The following SLC13A4 variants were observed in gnomAD, a reference collection of about 807,000 sequenced individuals.
SLC13A4 encodes Na(+)/sulfate cotransporter SUT-1.
In SLC13A4, 28 loss-of-function variants were observed where a neutral mutation model predicts 72.7. That is an observed-to-expected ratio of 0.39 (90% CI 0.29 to 0.53). SLC13A4 has a LOEUF of 0.53. Among genes scored for constraint, SLC13A4 ranks in the 20% least tolerant of loss-of-function variants. The probability of loss-of-function intolerance (pLI) is 0.78; values close to 1 mark genes in which losing one functional copy is unlikely to be tolerated. For missense variants in SLC13A4, 653 were observed against 788.0 expected (o/e 0.83, Z 2.05); for synonymous variants, 312 against 325.5 (o/e 0.96, Z 0.45).
intron 8 of SLC13A4, among the ~76,000 whole-genome samples, 176 bp downstream of exon 8, chr7:135,699,188 G>A (rs529604535): frequency 3.9e-5 from 6 of 152,202 alleles, no homozygotes; most frequent in South Asian, 4.1e-4. Context: ...CAATCCCCCC[G>A]CTTTGCCCTC....
At chr7:135,709,958 C>T (rs1796260938) in intron 2 of SLC13A4, among the ~76,000 whole-genome samples, 1 of 152,110 alleles carries the variant, frequency 6.6e-6, no homozygotes, top group African/African-American at 2.4e-5. Context: ...TGAATGGTTC[C>T]CTTCTATATA....
In SLC13A4 at chr7:135,681,676, C is replaced by T. The variant is rs137894236; in HGVS notation, c.1771G>A (p.Val591Ile). ...ACCATTACTATCACCAGTCCAATAA[C>T]GTTGACTCCCAGGCCAGCTTTCACC... ...DMVKAGLGVNVIGLVIVMVAI... is the reference protein window; with the variant it reads ...DMVKAGLGVNIIGLVIVMVAI... Residue 591 changes from valine (V) to isoleucine (I), a missense_variant, in exon 16 of 16, where the codon GTT becomes ATT. Transcript: ENST00000682651. 5.2e-4 allele frequency: 834 copies of T among 1,613,784 alleles called. 1 individual carries two copies. The highest frequency in any genetic ancestry group is 1.1e-3 in the Admixed American group (68 of 60,016).
At chr7:135,710,391 G>C (rs1287953101) in intron 2 of SLC13A4, among the ~76,000 whole-genome samples, 1 of 152,116 alleles carries the variant, frequency 6.6e-6, no homozygotes, top group South Asian at 2.1e-4. Flanking sequence ...GCGAGACTAC[G>C]TCTCAAAAAA....
chr7:135,719,801 GTA>G lies in SLC13A4; in HGVS notation c.228+1592_228+1593del, dbSNP rs1554479988. ...GCCACATGTGTGTGTGTGTGTGTGT[GTA>G]TGTGTGTGTGTGTGTGTGTGTGTGT... On this transcript the variant is annotated intron_variant, in intron 2 of 15. Transcript: ENST00000682651. Among the ~76,000 whole-genome samples the G allele has an allele frequency of 5.9e-4, 82 of 137,824 alleles. 1 individual carries two copies. Among genetic ancestry groups the G allele is most frequent in the Admixed American group, 1.4e-3 (21 of 14,538 alleles). The allele number at this position is 137,824 out of a possible 152,430, so 90.4% of individuals were successfully genotyped here.
intron 15 of SLC13A4, among the ~76,000 whole-genome samples, chr7:135,681,965 C>T (rs73721691): frequency 1.3e-5 from 2 of 152,320 alleles, no homozygotes; most frequent in East Asian, 1.9e-4. Flanking sequence ...TTACTTGGAA[C>T]ACCCACTCTG....
At chr7:135,718,090 C>CACAT (rs1563170528) in intron 2 of SLC13A4, among the ~76,000 whole-genome samples, 1 of 150,686 alleles carries the variant, frequency 6.6e-6, no homozygotes, top group African/African-American at 2.5e-5. Flanking sequence ...CACACACACG[C>CACAT]GCGCGCGCGC....
chr7:135,684,264 A>T lies in SLC13A4; in HGVS notation c.1609-3T>A. The T allele has an allele frequency of 6.3e-7, 1 of 1,590,572 alleles. No homozygotes were observed. Among genetic ancestry groups the T allele is most frequent in the Non-Finnish European group, 8.6e-7 (1 of 1,165,054 alleles). ...GGGTTAATGTGCAGCGTTTCAGACT[A>T]GAAGAGAGAATTCACAGAAACATTC... On this transcript the variant is annotated splice_polypyrimidine_tract_variant and splice_region_variant and intron_variant, in intron 14 of 15. Coordinates refer to ENST00000682651, the MANE Select transcript of SLC13A4 (RefSeq NM_001318192.2).
rs1795789488 is a variant in SLC13A4 at position 135,691,629 on chromosome 7, C to T, written c.1240G>A (p.Asp414Asn). 1 of 1,613,214 alleles carries T rather than the reference C, an allele frequency of 6.2e-7. No individual in the cohort carries two copies. Among genetic ancestry groups the T allele is most frequent in the African/African-American group, 1.3e-5 (1 of 75,012 alleles). ...CCAAGGAAGACAGAGACTGTGGCAT[C>T]AGTACGGTAGCCTTTCCTAGTAAAG... The part of the protein sequence containing the change: ...SFFEKKGYRT[D>N]ATVSVFLGFL... Residue 414 changes from aspartate (D) to asparagine (N), a missense_variant, in exon 12 of 16, where the codon GAT (aspartate) becomes AAT (asparagine). Asp to Asn is a conservative substitution (Grantham distance 23). Transcript: ENST00000682651.
intron 9 of SLC13A4, 133 bp from the exon 10 acceptor site, chr7:135,694,371 TC>T (rs1309651008): frequency 4.9e-6 from 3 of 610,024 alleles, no homozygotes; most frequent in African/African-American, 1.9e-5. Context: ...TATCCCTCTA[TC>T]CCCCACCTAT....
Position 135,685,591 on chromosome 7 carries a change from C to T in SLC13A4, c.1539G>A (p.Val513=). The change falls in exon 14 of 16, where the codon GTG becomes GTA. Residue 513 remains valine (V), a synonymous_variant. Coordinates refer to ENST00000682651, the MANE Select transcript of SLC13A4 (RefSeq NM_001318192.2). ...WAVTLLACIL[V]SIVTEFVSNP... is the part of the protein sequence containing the mutation. ...TGCTCACAAACTCAGTGACAATGGA[C>T]ACGAGGATGCATGCCAGCAGGGTGA... is the stretch of plus-strand genomic sequence containing the variant. 6.2e-7 allele frequency: 1 copy of T among 1,614,186 alleles called. No homozygotes were observed.
At chr7:135,716,781 C>T (rs1289866564) in intron 2 of SLC13A4, among the ~76,000 whole-genome samples, 1 of 152,156 alleles carries the variant, frequency 6.6e-6, no homozygotes, top group Non-Finnish European at 1.5e-5. Flanking sequence ...GTTTCCTTCT[C>T]TTTAAAATGA....
chr7:135,719,785 GTGTGTGTGTGTGTGTGTA>G (rs1295887829), intron 2 of SLC13A4, among the ~76,000 whole-genome samples: 3 of 138,074 alleles, frequency 2.2e-5, no homozygotes, highest in African/African-American at 6.4e-5. Context: ...TGCCACATGT[GTGTGTGTGTGTGTGTGTA>G]TGTGTGTGTG....
chr7:135,692,477 T>C, intron 10 of SLC13A4, 53 bp from the exon 11 acceptor site: 1 of 1,328,566 alleles, frequency 7.5e-7, no homozygotes, highest in East Asian at 2.3e-5. Flanking sequence ...TTCTCCTAGC[T>C]TTTTCACTTT....
chr7:135,702,947 C>A, intron 5 of SLC13A4, 63 bp from the exon 6 acceptor site: 1 of 1,253,442 alleles, frequency 8.0e-7, no homozygotes, highest in East Asian at 2.3e-5. Context: ...AGGGGAGGTC[C>A]CCCTGCATCA....
intron 2 of SLC13A4, among the ~76,000 whole-genome samples, chr7:135,719,780 C>CGTGTGTGTGTGTGTGTGT (rs535749594): frequency 3.6e-5 from 5 of 138,536 alleles, no homozygotes; most frequent in African/African-American, 1.4e-4. Context: ...CTCAATGCCA[C>CGTGTGTGTGTGTGTGTGT]ATGTGTGTGT....
intron 15 of SLC13A4, chr7:135,683,509 A>G: frequency 1.0e-6 from 1 of 984,842 alleles, no homozygotes; most frequent in Non-Finnish European, 1.2e-6. Flanking sequence ...GATACTAAGT[A>G]TAGCAGCAGG....
chr7:135,684,304 G>T (rs760386993), intron 14 of SLC13A4, 43 bp from the exon 15 acceptor site: 2 of 1,561,792 alleles, frequency 1.3e-6, no homozygotes, highest in African/African-American at 1.3e-5. Context: ...GATTAGGCTT[G>T]CATTTCCTGT....
At chr7:135,717,182 T>A (rs1796451124) in intron 2 of SLC13A4, among the ~76,000 whole-genome samples, 1 of 152,228 alleles carries the variant, frequency 6.6e-6, no homozygotes, top group Non-Finnish European at 1.5e-5. Context: ...ATTCTTTAGG[T>A]TCAGCTGTTC....
chr7:135,719,572 A>G (rs1390135732), intron 2 of SLC13A4, among the ~76,000 whole-genome samples: 1 of 152,116 alleles, frequency 6.6e-6, no homozygotes, highest in African/African-American at 2.4e-5. Context: ...CTTTAGGCAG[A>G]CACAAAACCC....
Sources: allele counts gnomAD v4.1 joint callset (sites outside exome capture counted in the v4.1 genomes callset), GRCh38; gene constraint gnomAD v4.1.1; transcripts MANE v1.5; gene names NCBI Gene and HGNC (gene_info 2026-07-23, HGNC 2026-07-21).